BMF: variants seen among roughly 807,000 people sequenced by gnomAD.
The protein encoded by BMF is bcl-2-modifying factor.
BMF carries 10 observed loss-of-function variants against 22.0 expected under a neutral mutation model. The ratio of observed to expected loss-of-function variants is 0.45; its 90% CI spans 0.28 to 0.77. The LOEUF (loss-of-function observed/expected upper bound fraction) is 0.77, where lower values mean the gene tolerates loss of function less well. Ranked by LOEUF, BMF falls within the 30% of genes least tolerant of loss-of-function variation. The pLI is 0.13. For synonymous variants in BMF, 87 were observed against 88.1 expected (o/e 0.99, Z 0.07); for missense variants, 206 against 226.8 (o/e 0.91, Z 0.59).
intron 4 of BMF, 45 bp from the exon 5 acceptor site, chr15:40,091,933 A>G (rs1303469870): frequency 4.3e-6 from 6 of 1,380,066 alleles, no homozygotes; most frequent in Non-Finnish European, 6.0e-6. Context: ...TCCCAAACGC[A>G]ATCTTAGACG....
rs553655141 is a variant in BMF at position 40,102,599 on chromosome 15, A to C, written c.453+1581T>G. On this transcript the variant is annotated intron_variant, in intron 4 of 4. Coordinates refer to ENST00000354670, the MANE Select transcript of BMF (RefSeq NM_001003940.2). Reference sequence around the variant, plus strand: ...AGTGGATGGGGGAATATTCTGGGGAATAACTGGTGAAAGAGATCAGATTAT... The same window carrying C: ...AGTGGATGGGGGAATATTCTGGGGACTAACTGGTGAAAGAGATCAGATTAT... Among the ~76,000 whole-genome samples the C allele has an allele frequency of 5.9e-5, 9 of 152,168 alleles. No individual in the cohort carries two copies. The East Asian group carries it at 1.7e-3, about 29-fold the overall frequency.
rs1287561156 is a variant in BMF at position 40,088,674 on chromosome 15, AGT to A, written c.*3111_*3112del. 1 of 152,432 alleles carries A rather than the reference AGT, an allele frequency of 6.6e-6. No individual in the cohort carries two copies. The highest frequency in any genetic ancestry group is 2.4e-5 in the African/African-American group (1 of 41,480). 9.4% of individuals were successfully genotyped at this position (152,432 alleles called of 1,614,324 possible). The stretch of plus-strand genomic sequence containing the variant: ...CCGATGGGGCTGGGCTGCCAGGAGC[AGT>A]GAGACAGGTCAGCTGGGCCCCTCTG... On this transcript the variant is annotated 3_prime_UTR_variant, in exon 5 of 5. Coordinates refer to ENST00000354670, the MANE Select transcript of BMF (RefSeq NM_001003940.2).
chr15:40,100,466 T>C (rs1390294976), intron 4 of BMF, among the ~76,000 whole-genome samples: 2 of 152,236 alleles, frequency 1.3e-5, no homozygotes, highest in Non-Finnish European at 2.9e-5. Flanking sequence ...CCTTCACTCC[T>C]GCCCCGGCCA....
In BMF at chr15:40,091,594, G is replaced by A; in HGVS notation, c.*193C>T. ...TGTTTGACAAAGGCCCCCATTCCAG[G>A]TCAAGGGCCTGACAGAGAAAGAAGG... On this transcript the variant is annotated 3_prime_UTR_variant, in exon 5 of 5. Coordinates refer to ENST00000354670, the MANE Select transcript of BMF (RefSeq NM_001003940.2). The A allele has an allele frequency of 3.7e-6, 2 of 545,494 alleles. No homozygotes were observed. Among genetic ancestry groups the A allele is most frequent in the Non-Finnish European group, 3.3e-6 (1 of 304,816 alleles). 33.8% of individuals were successfully genotyped at this position (545,494 alleles called of 1,614,324 possible).
Position 40,089,423 on chromosome 15 carries a change from A to G in BMF, c.*2364T>C, listed in dbSNP as rs2036193637. 6.6e-6 allele frequency: 1 copy of G among 152,234 alleles called. No homozygotes were observed. The highest frequency in any genetic ancestry group is 2.1e-4 in the South Asian group (1 of 4,826). 9.4% of individuals were successfully genotyped at this position (152,234 alleles called of 1,614,324 possible). On this transcript the variant is annotated 3_prime_UTR_variant, in exon 5 of 5. Transcript: ENST00000354670. The stretch of plus-strand genomic sequence containing the variant: ...GGAGAGGGAAACGTGAGGGGTGTAA[A>G]TTTTGCCCTGGCTCACTTAAGACAG...
rs1029162824 is a variant in BMF, at chr15:40,088,655, G to A, written c.*3132C>T. ...CCCAGGCAGGGGCCACCTGCCGATG[G>A]GGCTGGGCTGCCAGGAGCAGTGAGA... On this transcript the variant is annotated 3_prime_UTR_variant, in exon 5 of 5. Coordinates refer to ENST00000354670, the MANE Select transcript of BMF (RefSeq NM_001003940.2). The A allele has an allele frequency of 2.0e-5, 3 of 152,480 alleles. No homozygotes were observed. Among genetic ancestry groups the A allele is most frequent in the Non-Finnish European group, 1.5e-5 (1 of 68,244 alleles). 9.4% of individuals were successfully genotyped at this position (152,480 alleles called of 1,614,324 possible). A position where few individuals can be genotyped will look rare whatever the true frequency, so the allele number is the denominator to read the frequency against.
intron 4 of BMF, among the ~76,000 whole-genome samples, chr15:40,100,090 G>A (rs572842172): frequency 1.3e-5 from 2 of 152,258 alleles, no homozygotes; most frequent in African/African-American, 2.4e-5. Flanking sequence ...TTACTCACTC[G>A]ACTGTTTACA....
Position 40,106,751 on chromosome 15 carries a change from G to A in BMF, c.-5-660C>T, listed in dbSNP as rs1235648217. On this transcript the variant is annotated intron_variant, in intron 2 of 4. Coordinates refer to ENST00000354670, the MANE Select transcript of BMF (RefSeq NM_001003940.2). This position sits in a 1 kb window ranked among gnomAD's most constrained non-coding sequence, Gnocchi z 4.1. ...ACAGGCTCTGCAGTGTGGTAAGAAT[G>A]TGTCCTGGGAGAGGGGATAAAGACC... The A allele has an allele frequency of 6.6e-6, 1 of 152,364 alleles. No homozygotes were observed. Among genetic ancestry groups the A allele is most frequent in the Non-Finnish European group, 1.5e-5 (1 of 68,164 alleles). The allele number at this position is 152,364 out of a possible 1,614,324, so 9.4% of individuals were successfully genotyped here. A position where few individuals can be genotyped will look rare whatever the true frequency, so the allele number is the denominator to read the frequency against.
At chr15:40,104,037 C>T in intron 4 of BMF, 143 bp downstream of exon 4, 1 of 1,093,102 alleles carries the variant, frequency 9.1e-7, no homozygotes, top group Non-Finnish European at 1.3e-6. Flanking sequence ...CCCTCCTGCC[C>T]ATGGGAACCG....
intron 4 of BMF, among the ~76,000 whole-genome samples, chr15:40,094,643 T>C (rs1021588878): frequency 3.3e-5 from 5 of 152,194 alleles, no homozygotes; most frequent in African/African-American, 1.2e-4. Flanking sequence ...CTTGTAAGTA[T>C]AGAGTCTCCA....
At chr15:40,105,701 G>A in intron 3 of BMF, 94 bp downstream of exon 3, 1 of 1,406,450 alleles carries the variant, frequency 7.1e-7, no homozygotes, top group Non-Finnish European at 9.6e-7. Flanking sequence ...ATCACTTTGG[G>A]GGAAGGAAAC....
rs10518679 is a variant in BMF, at chr15:40,090,240, T to C, written c.*1547A>G. On this transcript the variant is annotated 3_prime_UTR_variant, in exon 5 of 5. Coordinates refer to ENST00000354670, the MANE Select transcript of BMF (RefSeq NM_001003940.2). ...GTACATCCAGAAGATCAATGTCTCC[T>C]TCAATAGTACTGAAGACCTCCTCTC... The C allele has an allele frequency of 0.1, 15,572 of 152,706 alleles. 958 individuals are homozygous for C. The highest frequency in any genetic ancestry group is 0.15 in the Non-Finnish European group (10,001 of 68,016). The allele number at this position is 152,706 out of a possible 1,614,324, so 9.5% of individuals were successfully genotyped here.
chr15:40,095,870 C>T (rs1329605155), intron 4 of BMF, among the ~76,000 whole-genome samples: 1 of 152,192 alleles, frequency 6.6e-6, no homozygotes, highest in Non-Finnish European at 1.5e-5. Flanking sequence ...TTGCCACGGA[C>T]AGGGGATGAA....
Position 40,106,039 on chromosome 15 carries a change from T to A in BMF, c.48A>T (p.Gln16His), listed in dbSNP as rs573523438. 4.6e-5 allele frequency: 74 copies of A among 1,613,316 alleles called. 1 individual carries two copies. The South Asian group carries it at 7.6e-4, about 17-fold the overall frequency. Reference protein sequence around the residue: ...CVEELEDDVFQPEDGEPVTQP... With the variant: ...CVEELEDDVFHPEDGEPVTQP... The stretch of plus-strand genomic sequence containing the variant: ...GGGTCACCGGCTCCCCATCCTCTGG[T>A]TGGAACACATCATCCTCCAGCTCCT... The change falls in exon 3 of 5, where the codon CAA becomes CAT. Residue 16 changes from glutamine (Q) to histidine (H), a missense_variant. Physicochemically the swap from Gln to His is conservative, Grantham distance 24. Coordinates refer to ENST00000354670, the MANE Select transcript of BMF (RefSeq NM_001003940.2). This position sits in a 1 kb window ranked among gnomAD's most constrained non-coding sequence, Gnocchi z 4.1.
chr15:40,099,568 C>T (rs933738819), intron 4 of BMF, among the ~76,000 whole-genome samples: 1 of 152,006 alleles, frequency 6.6e-6, no homozygotes, highest in African/African-American at 2.4e-5. Context: ...CGCCTGAGGT[C>T]GCGAGTTCAA....
intron 4 of BMF, among the ~76,000 whole-genome samples, chr15:40,102,195 G>A (rs531746589): frequency 3.3e-5 from 5 of 152,228 alleles, no homozygotes; most frequent in Non-Finnish European, 5.9e-5. Context: ...TTGGGAGGCC[G>A]AGGCAGGTGG....
chr15:40,105,723 G>T, intron 3 of BMF, 72 bp downstream of exon 3: 1 of 1,496,892 alleles, frequency 6.7e-7, no homozygotes, highest in Non-Finnish European at 9.0e-7. Context: ...GCAAAGGGCA[G>T]GTTTGGGGAG....
Position 40,106,770 on chromosome 15 carries a change from A to G in BMF, c.-5-679T>C, listed in dbSNP as rs2036597361. On this transcript the variant is annotated intron_variant, in intron 2 of 4. Transcript: ENST00000354670. This position sits in a 1 kb window ranked among gnomAD's most constrained non-coding sequence, Gnocchi z 4.1. ...AAGAATGTGTCCTGGGAGAGGGGAT[A>G]AAGACCCAAGCTAGTCATTGCAGCT... The G allele has an allele frequency of 6.6e-6, 1 of 152,368 alleles. No individual in the cohort carries two copies. The highest frequency in any genetic ancestry group is 2.4e-5 in the African/African-American group (1 of 41,458). 9.4% of individuals were successfully genotyped at this position (152,368 alleles called of 1,614,324 possible). A position where few individuals can be genotyped will look rare whatever the true frequency, so the allele number is the denominator to read the frequency against.
chr15:40,105,270 G>A (rs2036562923), intron 3 of BMF, among the ~76,000 whole-genome samples: 1 of 152,234 alleles, frequency 6.6e-6, no homozygotes, highest in Non-Finnish European at 1.5e-5. Context: ...AAATGAAGGG[G>A]TCTTGTCTTA....
Sources: gnomAD v4.1 joint callset for allele counts (sites outside exome capture counted in the v4.1 genomes callset) on GRCh38, gnomAD v4.1.1 for gene constraint, Gnocchi (gnomAD v3.1) non-coding constraint, MANE v1.5 for transcripts, NCBI Gene and HGNC (gene_info 2026-07-23, HGNC 2026-07-21) for gene names.